Variants in FIP1L1 observed in about 807,000 individuals in gnomAD.
FIP1L1 encodes the protein factor interacting with PAPOLA and CPSF1.
In FIP1L1, 21 loss-of-function variants were observed where a neutral mutation model predicts 84.6. The observed-to-expected ratio is 0.25, with a 90% CI of 0.18 to 0.36. The LOEUF is 0.36. FIP1L1 is among the 10% of genes least tolerant of loss of function. The pLI is 1.00. For synonymous variants in FIP1L1, 263 were observed against 242.3 expected, an observed-to-expected ratio of 1.09 and a Z score of -0.80; for missense variants, 526 against 751.1, an observed-to-expected ratio of 0.70 and a Z score of 3.50.
At position 53,391,146 on chromosome 4, in the gene FIP1L1, A is replaced by C; in HGVS notation, c.636+7A>C. ...TACTACAAATAAAATTACGGTAATT[A>C]ATAAATACTCCGGAATACCCTTGGC... is the stretch of plus-strand genomic sequence containing the variant. On this transcript the variant is annotated splice_region_variant and intron_variant, in intron 8 of 17. Transcript: ENST00000337488. The C allele has an allele frequency of 6.3e-7, 1 of 1,595,886 alleles. No individual in the cohort carries two copies. Among genetic ancestry groups the C allele is most frequent in the East Asian group, 2.2e-5 (1 of 44,664 alleles).
chr4:53,388,679 G>A (rs531519058), intron 5 of FIP1L1, among the ~76,000 whole-genome samples: 1 of 152,086 alleles, frequency 6.6e-6, no homozygotes, highest in African/African-American at 2.4e-5. Context: ...GTCCTTCTTT[G>A]CCCATTCCCG....
At chr4:53,399,860 T>TC in intron 10 of FIP1L1, 21 bp downstream of exon 10, 1 of 1,436,660 alleles carries the variant, frequency 7.0e-7, no homozygotes, top group South Asian at 1.2e-5. Flanking sequence ...TAGTTATAAC[T>TC]CAATTACTGT....
chr4:53,391,373 G>T, intron 8 of FIP1L1, 57 bp from the exon 9 acceptor site: 2 of 1,428,282 alleles, frequency 1.4e-6, no homozygotes, highest in Non-Finnish European at 2.0e-6. Flanking sequence ...GTCTTTATAT[G>T]GCCTATTAAT....
chr4:53,401,531 A>G (rs1340981018), intron 10 of FIP1L1, among the ~76,000 whole-genome samples: 5 of 152,266 alleles, frequency 3.3e-5, no homozygotes, highest in African/African-American at 9.6e-5. Context: ...ACTTGGACCA[A>G]GATAATGGTG....
Position 53,460,708 on chromosome 4 carries a change from GA to G in FIP1L1, c.*1267del. On this transcript the variant is annotated 3_prime_UTR_variant, in exon 18 of 18. Coordinates refer to ENST00000337488, the MANE Select transcript of FIP1L1 (RefSeq NM_030917.4). Reference sequence around the variant, plus strand: ...AGAGTAATGAGAAATCCTCCACACTGAAAAAAAACTAGTAGTTTTAATTTTT... The same window carrying G: ...AGAGTAATGAGAAATCCTCCACACTGAAAAAAACTAGTAGTTTTAATTTTT... 5 of 527,876 alleles carry G rather than the reference GA, an allele frequency of 9.5e-6. No individual in the cohort carries two copies. Among genetic ancestry groups the G allele is most frequent in the Non-Finnish European group, 1.3e-5 (4 of 308,606 alleles). 32.7% of individuals were successfully genotyped at this position (527,876 alleles called of 1,614,324 possible). A position where few individuals can be genotyped will look rare whatever the true frequency, so the allele number is the denominator to read the frequency against.
intron 13 of FIP1L1, among the ~76,000 whole-genome samples, chr4:53,430,418 A>G (rs1470377004): frequency 2.3e-5 from 3 of 130,548 alleles, no homozygotes; most frequent in African/African-American, 9.0e-5. Flanking sequence ...GTGCGGTCTC[A>G]GCTCACTGCA....
chr4:53,452,821 A>C, intron 15 of FIP1L1, 99 bp from the exon 16 acceptor site: 1 of 831,342 alleles, frequency 1.2e-6, no homozygotes, highest in East Asian at 2.6e-5. Context: ...TTCTATTTAT[A>C]AAATGAATTT....
At chr4:53,378,037 T>C (rs1198898261) in intron 1 of FIP1L1, 114 bp downstream of exon 1, 5 of 989,488 alleles carry the variant, frequency 5.1e-6, no homozygotes, top group African/African-American at 1.7e-5. Context: ...TGGTTGGGAG[T>C]CCTGTCCGGC....
chr4:53,450,373 C>T (rs547483921), intron 15 of FIP1L1, among the ~76,000 whole-genome samples: 3 of 152,220 alleles, frequency 2.0e-5, no homozygotes, highest in Non-Finnish European at 2.9e-5. Flanking sequence ...ACTTAAATTG[C>T]GTGGTGGTCA....
chr4:53,422,499 G>T (rs1304694739), intron 11 of FIP1L1, among the ~76,000 whole-genome samples: 1 of 151,754 alleles, frequency 6.6e-6, no homozygotes, highest in Non-Finnish European at 1.5e-5. Context: ...TACCTTATGG[G>T]TTTATCATGA....
At chr4:53,409,167 G>A (rs1463562221) in intron 10 of FIP1L1, among the ~76,000 whole-genome samples, 1 of 152,170 alleles carries the variant, frequency 6.6e-6, no homozygotes, top group East Asian at 1.9e-4. Context: ...GTACAGATGG[G>A]TTTTTGGTGT....
chr4:53,391,069 G>C lies in FIP1L1; in HGVS notation c.566G>C (p.Cys189Ser), dbSNP rs775713883. The part of the protein sequence containing the change: ...GFNEDTWKAY[C>S]EKQKRIRMGL... Reference sequence around the variant, plus strand: ...AATGAAGATACCTGGAAAGCTTACTGTGAAAAACAAAAGAGGATACGAATG... The same window carrying C: ...AATGAAGATACCTGGAAAGCTTACTCTGAAAAACAAAAGAGGATACGAATG... The change falls in exon 8 of 18, where the codon TGT (cysteine) becomes TCT (serine). Residue 189 changes from cysteine (C) to serine (S), a missense_variant. Around this residue, in one of 6 missense-constraint regions of FIP1L1, gnomAD observed 169 missense variants for 206.9 expected, o/e 0.82. Coordinates refer to ENST00000337488, the MANE Select transcript of FIP1L1 (RefSeq NM_030917.4). 1 of 1,611,302 alleles carries C rather than the reference G, an allele frequency of 6.2e-7. No individual in the cohort carries two copies. Among genetic ancestry groups the C allele is most frequent in the Admixed American group, 1.7e-5 (1 of 59,526 alleles).
chr4:53,398,849 AATTAAT>A (rs1432335659), intron 9 of FIP1L1, among the ~76,000 whole-genome samples: 1 of 152,126 alleles, frequency 6.6e-6, no homozygotes, highest in African/African-American at 2.4e-5. Context: ...ATGGTTTTAA[AATTAAT>A]ATTAAGAGGG....
At chr4:53,428,240 T>A (rs1765098856) in intron 13 of FIP1L1, 57 bp downstream of exon 13, 2 of 1,470,876 alleles carry the variant, frequency 1.4e-6, no homozygotes, top group Non-Finnish European at 1.8e-6. Context: ...GAGTGTTTTT[T>A]AAAATTTTTG....
rs1363750901 is a variant in FIP1L1 at position 53,460,235 on chromosome 4, T to TAACG, written c.*788_*791dup. ...GCAGCATGAGTTTTTATACAGTTAC[T>TAACG]AACGATTGTGGAAAAAAAGAGCTTT... is the stretch of plus-strand genomic sequence containing the variant. On this transcript the variant is annotated 3_prime_UTR_variant, in exon 18 of 18. Coordinates refer to ENST00000337488, the MANE Select transcript of FIP1L1 (RefSeq NM_030917.4). 5.2e-6 allele frequency: 1 copy of TAACG among 193,476 alleles called. No homozygotes were observed. Among genetic ancestry groups the TAACG allele is most frequent in the East Asian group, 8.1e-5 (1 of 12,304 alleles). 12.0% of individuals were successfully genotyped at this position (193,476 alleles called of 1,614,324 possible). A position where few individuals can be genotyped will look rare whatever the true frequency, so the allele number is the denominator to read the frequency against.
intron 11 of FIP1L1, among the ~76,000 whole-genome samples, chr4:53,418,832 A>C (rs536766215): frequency 3.3e-5 from 5 of 152,244 alleles, no homozygotes; most frequent in Non-Finnish European, 5.9e-5. Flanking sequence ...TACTTATAAT[A>C]AAACTGGACG....
chr4:53,447,480 A>C (rs1291146049), intron 15 of FIP1L1, among the ~76,000 whole-genome samples: 1 of 152,142 alleles, frequency 6.6e-6, no homozygotes, highest in Non-Finnish European at 1.5e-5. Flanking sequence ...TACAATGTTT[A>C]CATTTTGTCC....
intron 12 of FIP1L1, among the ~76,000 whole-genome samples, chr4:53,426,436 T>TCC (rs1764392340): frequency 6.6e-6 from 1 of 152,180 alleles, no homozygotes; most frequent in Admixed American, 6.5e-5. Flanking sequence ...TTGATTGTGA[T>TCC]CCGTCACATG....
chr4:53,459,328 A>G lies in FIP1L1; in HGVS notation c.1664A>G (p.Glu555Gly). The change falls in exon 18 of 18, where the codon GAA (glutamate) becomes GGA (glycine). Residue 555 changes from glutamate to glycine, a missense_variant. This residue lies in a region of FIP1L1 where 89 missense variants were observed against 169.0 expected (regional missense o/e 0.53). Transcript: ENST00000337488. The part of the protein sequence containing the change: ...RSNSRRRHES[E>G]EGDSHRRHKH... Reference sequence around the variant, plus strand: ...AATAGTAGACGTCGCCATGAAAGTGAAGAAGGAGATAGTCACAGGAGACAC... The same window carrying G: ...AATAGTAGACGTCGCCATGAAAGTGGAGAAGGAGATAGTCACAGGAGACAC... The G allele has an allele frequency of 6.4e-7, 1 of 1,572,576 alleles. No homozygotes were observed.
Sources: allele counts gnomAD v4.1 joint callset (sites outside exome capture counted in the v4.1 genomes callset), GRCh38; gene constraint gnomAD v4.1.1; regional missense constraint gnomAD v4.1.1; transcripts MANE v1.5; gene names NCBI Gene and HGNC (gene_info 2026-07-23, HGNC 2026-07-21).